GABRB3: variants seen among roughly 807,000 people sequenced by gnomAD.
GABRB3 encodes the protein gamma-aminobutyric acid type A receptor subunit beta3, also known as gamma-aminobutyric acid receptor subunit beta-3.
A neutral mutation model predicts 52.1 loss-of-function variants in GABRB3; 14 were observed. The observed-to-expected ratio is 0.27, with a 90% CI of 0.18 to 0.42. The LOEUF (loss-of-function observed/expected upper bound fraction) is 0.42. Ranked by LOEUF, GABRB3 falls within the 10% of genes least tolerant of loss-of-function variation. The probability of loss-of-function intolerance (pLI) is 1.00; values close to 1 mark genes in which losing one functional copy is unlikely to be tolerated. For missense variants in GABRB3, 307 were observed against 609.1 expected, an observed-to-expected ratio of 0.50 and a Z score of 5.22; for synonymous variants, 260 against 232.3, an observed-to-expected ratio of 1.12 and a Z score of -1.08.
intron 3 of GABRB3, among the ~76,000 whole-genome samples, chr15:26,754,575 G>T (rs937446354): frequency 6.6e-6 from 1 of 152,172 alleles, no homozygotes; most frequent in Admixed American, 6.5e-5. Flanking sequence ...TGCATCAGTA[G>T]ACCAAACTTT....
chr15:26,718,944 T>C (rs1328849978), intron 3 of GABRB3, among the ~76,000 whole-genome samples: 2 of 89,224 alleles, frequency 2.2e-5, no homozygotes, highest in Non-Finnish European at 5.4e-5. Context: ...CACTTCACCC[T>C]CTGGTGTCCT....
chr15:26,577,553 A>C (rs148598294), intron 6 of GABRB3, among the ~76,000 whole-genome samples: 11 of 152,310 alleles, frequency 7.2e-5, no homozygotes, highest in Non-Finnish European at 1.6e-4. Context: ...CAAGAAGAAT[A>C]ATCACAGAGA....
At position 26,595,840 on chromosome 15, in the gene GABRB3, G is replaced by A. The variant is rs1595468840; in HGVS notation, c.462-12426C>T. Among the ~76,000 whole-genome samples the A allele has an allele frequency of 2.6e-5, 4 of 152,254 alleles. No individual in the cohort carries two copies. The South Asian group carries it at 8.3e-4, about 32-fold the overall frequency. On this transcript the variant is annotated intron_variant, in intron 4 of 8. Coordinates refer to ENST00000311550, the MANE Select transcript of GABRB3 (RefSeq NM_000814.6). ...ACACAGCATTCTTGCCTCTCCCTGA[G>A]AGGTCAACTTCGATTGTCCTATGCA...
intron 3 of GABRB3, among the ~76,000 whole-genome samples, chr15:26,696,666 T>C (rs1291384156): frequency 1.3e-5 from 2 of 152,184 alleles, no homozygotes; most frequent in Non-Finnish European, 2.9e-5. Flanking sequence ...TCCCAGGCAA[T>C]CTGACTCTTG....
intron 3 of GABRB3, among the ~76,000 whole-genome samples, chr15:26,761,911 T>C (rs1427606230): frequency 6.6e-6 from 1 of 152,206 alleles, no homozygotes; most frequent in Non-Finnish European, 1.5e-5. Flanking sequence ...CTCAGTTCAC[T>C]GCAGCCTCTG....
intron 3 of GABRB3, among the ~76,000 whole-genome samples, chr15:26,653,542 C>T (rs1887266302): frequency 6.6e-6 from 1 of 152,176 alleles, no homozygotes; most frequent in African/African-American, 2.4e-5. Flanking sequence ...TTAAACACTC[C>T]AGACTCTGAG....
At chr15:26,635,009 T>TATAA (rs1177950068) in intron 3 of GABRB3, among the ~76,000 whole-genome samples, 2 of 11,732 alleles carry the variant, frequency 1.7e-4, no homozygotes, top group African/African-American at 3.8e-4. Context: ...TATATATATA[T>TATAA]AATATATATA....
chr15:26,607,068 G>C (rs939571986), intron 4 of GABRB3, among the ~76,000 whole-genome samples: 1 of 152,042 alleles, frequency 6.6e-6, no homozygotes, highest in Non-Finnish European at 1.5e-5. Flanking sequence ...GGCAAACGCC[G>C]AGCTGTAACC....
intron 3 of GABRB3, chr15:26,658,762 C>G (rs1887451643): frequency 6.6e-6 from 1 of 152,224 alleles, no homozygotes; most frequent in South Asian, 2.1e-4. Context: ...TGATGTAATG[C>G]TGATTTCCTC....
At chr15:26,661,638 T>G (rs1887554738) in intron 3 of GABRB3, among the ~76,000 whole-genome samples, 1 of 151,376 alleles carries the variant, frequency 6.6e-6, no homozygotes, top group South Asian at 2.1e-4. Flanking sequence ...CAAGAAGGGG[T>G]TTCAGGTATG....
At chr15:26,658,972 A>G (rs1887458933) in intron 3 of GABRB3, among the ~76,000 whole-genome samples, 1 of 152,230 alleles carries the variant, frequency 6.6e-6, no homozygotes, top group Non-Finnish European at 1.5e-5. Flanking sequence ...CCTACAAGCA[A>G]TTCCATTTCA....
At chr15:26,705,168 A>G (rs6576595) in intron 3 of GABRB3, among the ~76,000 whole-genome samples, 152,290 of 152,324 alleles carry the variant, frequency 1, 76,128 homozygotes, top group Non-Finnish European at 1. Flanking sequence ...AAGCTGGAAA[A>G]TGCAAGATCA....
chr15:26,556,088 A>T (rs1205625191), intron 8 of GABRB3, among the ~76,000 whole-genome samples: 1 of 152,244 alleles, frequency 6.6e-6, no homozygotes, highest in African/African-American at 2.4e-5. Flanking sequence ...ATAGAATGAC[A>T]GATGACTTGC....
chr15:26,566,498 G>A (rs1340535825), intron 7 of GABRB3, among the ~76,000 whole-genome samples: 1 of 152,148 alleles, frequency 6.6e-6, no homozygotes, highest in Non-Finnish European at 1.5e-5. Context: ...GGCTGAGGTG[G>A]GCAGATCGCT....
intron 3 of GABRB3, among the ~76,000 whole-genome samples, chr15:26,686,914 G>A (rs1194734589): frequency 1.2e-4 from 18 of 152,366 alleles, no homozygotes; most frequent in Admixed American, 1.3e-4. Context: ...AATAGTAGCC[G>A]CATCTGGGAA....
chr15:26,551,285 C>T (rs1174302316), intron 8 of GABRB3, among the ~76,000 whole-genome samples: 1 of 152,170 alleles, frequency 6.6e-6, no homozygotes, highest in Admixed American at 6.5e-5. Flanking sequence ...GCAACTCAAG[C>T]TATAAGAAAT....
intron 3 of GABRB3, among the ~76,000 whole-genome samples, chr15:26,689,036 T>C (rs1317748357): frequency 6.6e-6 from 1 of 152,340 alleles, no homozygotes; most frequent in East Asian, 1.9e-4. Context: ...CTCGCCACAT[T>C]CCTGCAGAAT....
intron 3 of GABRB3, among the ~76,000 whole-genome samples, chr15:26,678,678 G>C (rs1227063736): frequency 6.6e-6 from 1 of 152,122 alleles, no homozygotes; most frequent in Non-Finnish European, 1.5e-5. Context: ...AATATGGATG[G>C]ATCGACTCTG....
At chr15:26,735,464 C>A (rs1347723029) in intron 3 of GABRB3, among the ~76,000 whole-genome samples, 1 of 152,224 alleles carries the variant, frequency 6.6e-6, no homozygotes, top group Non-Finnish European at 1.5e-5. Context: ...GATAGTTGTA[C>A]ACCCATGTTC....
Sources: gnomAD v4.1 joint callset for allele counts (sites outside exome capture counted in the v4.1 genomes callset) on GRCh38, gnomAD v4.1.1 for gene constraint, MANE v1.5 for transcripts, NCBI Gene and HGNC (gene_info 2026-07-23, HGNC 2026-07-21) for gene names.